The following PAPPA2 variants were observed in gnomAD, a reference collection of about 807,000 sequenced individuals.
PAPPA2 encodes pappalysin-2.
A neutral mutation model predicts 176.4 loss-of-function variants in PAPPA2; 86 were observed. That is an observed-to-expected ratio of 0.49 (90% CI 0.41 to 0.58). The LOEUF is 0.58. Among genes scored for constraint, PAPPA2 ranks in the 20% least tolerant of loss-of-function variants. PAPPA2 has a pLI of 0.00. For synonymous variants in PAPPA2, 809 were observed against 852.2 expected (o/e 0.95, Z 0.88); for missense variants, 2,073 against 2,256.9 (o/e 0.92, Z 1.65).
chr1:176,803,529 C>T (rs1293300735), intron 21 of PAPPA2, among the ~76,000 whole-genome samples: 1 of 152,142 alleles, frequency 6.6e-6, no homozygotes, highest in Non-Finnish European at 1.5e-5. Context: ...TTGGAGACAT[C>T]GATTGTGTCC....
intron 12 of PAPPA2, among the ~76,000 whole-genome samples, chr1:176,735,677 A>AATCT (rs55758426): frequency 0.013 from 1,849 of 144,352 alleles, 21 homozygotes; most frequent in East Asian, 0.028. Context: ...CATCTCTCAG[A>AATCT]ATCTATCTAT....
intron 20 of PAPPA2, among the ~76,000 whole-genome samples, chr1:176,799,752 A>G (rs1285718894): frequency 2.0e-5 from 3 of 152,234 alleles, no homozygotes; most frequent in East Asian, 1.9e-4. Flanking sequence ...GATGAAACTC[A>G]TTATAATATT....
At chr1:176,814,844 G>C (rs1666311932) in intron 21 of PAPPA2, among the ~76,000 whole-genome samples, 1 of 152,202 alleles carries the variant, frequency 6.6e-6, no homozygotes. Flanking sequence ...GTGAGAGAAG[G>C]CATCCTTGTC....
chr1:176,499,438 T>C (rs557390599), intron 1 of PAPPA2, among the ~76,000 whole-genome samples: 1 of 152,304 alleles, frequency 6.6e-6, no homozygotes, highest in Admixed American at 6.5e-5. Context: ...TGCCAGGTGG[T>C]TTATCACACA....
rs1254265729 is a variant in PAPPA2, at chr1:176,607,785, G to A, written c.1991+12190G>A. ...ACTCTTTCTTTAGGTTTGGCTAACCGGCTTTTATAACTCACCAATAAACTG... is the reference window on the plus strand; with the variant it reads ...ACTCTTTCTTTAGGTTTGGCTAACCAGCTTTTATAACTCACCAATAAACTG... On this transcript the variant is annotated intron_variant, in intron 3 of 22. Coordinates refer to ENST00000367662, the MANE Select transcript of PAPPA2 (RefSeq NM_020318.3). Among the ~76,000 whole-genome samples, 4 of 152,128 alleles carry A rather than the reference G, an allele frequency of 2.6e-5. No homozygotes were observed. In the East Asian group the frequency reaches 7.7e-4, roughly 29 times the overall value.
chr1:176,657,517 A>T (rs1658099275), intron 3 of PAPPA2, among the ~76,000 whole-genome samples: 1 of 152,048 alleles, frequency 6.6e-6, no homozygotes, highest in African/African-American at 2.4e-5. Flanking sequence ...AACACGGAAC[A>T]GAGAAGCTTA....
intron 2 of PAPPA2, among the ~76,000 whole-genome samples, chr1:176,573,208 C>T (rs1202724083): frequency 6.6e-6 from 1 of 152,160 alleles, no homozygotes; most frequent in Admixed American, 6.5e-5. Context: ...GACTTCTTGG[C>T]TTTTGCATGA....
intron 18 of PAPPA2, among the ~76,000 whole-genome samples, chr1:176,790,497 A>G (rs1384570000): frequency 6.6e-6 from 1 of 152,162 alleles, no homozygotes; most frequent in Non-Finnish European, 1.5e-5. Context: ...ACACACATAC[A>G]TGAGACAGGA....
chr1:176,788,783 T>A (rs749188971), intron 17 of PAPPA2, among the ~76,000 whole-genome samples: 3 of 152,328 alleles, frequency 2.0e-5, no homozygotes, highest in Middle Eastern at 3.4e-3. Context: ...GTGAAAGTTA[T>A]GAACTCTTTC....
chr1:176,839,519 T>C (rs1285381328), intron 21 of PAPPA2, among the ~76,000 whole-genome samples: 2 of 152,214 alleles, frequency 1.3e-5, no homozygotes, highest in South Asian at 2.1e-4. Flanking sequence ...TGTGGGAATA[T>C]TTGTGTTACA....
In PAPPA2 at chr1:176,509,769, G is replaced by A. The variant is rs973812109; in HGVS notation, c.-916-45638G>A. On this transcript the variant is annotated intron_variant, in intron 1 of 22. Transcript: ENST00000367662. ...TATAATCCCAGCACTTTGGGAGACC[G>A]AGGCTGGCAGATTGCTTGAGCCTGG... Among the ~76,000 whole-genome samples the A allele has an allele frequency of 7.2e-5, 11 of 152,142 alleles. No individual in the cohort carries two copies. In the South Asian group the frequency reaches 2.1e-3, roughly 29 times the overall value.
intron 12 of PAPPA2, among the ~76,000 whole-genome samples, chr1:176,732,975 G>A (rs748487776): frequency 2.3e-4 from 35 of 152,066 alleles, no homozygotes; most frequent in Non-Finnish European, 4.0e-4. Flanking sequence ...TTGTCAGATC[G>A]GTGGCATTAG....
intron 1 of PAPPA2, among the ~76,000 whole-genome samples, chr1:176,530,672 G>T (rs180707681): frequency 1.3e-3 from 201 of 152,100 alleles, no homozygotes; most frequent in African/African-American, 4.7e-3. Context: ...CTGAGACTAA[G>T]AAACAGCAAC....
At chr1:176,571,321 G>C (rs1652316466) in intron 2 of PAPPA2, among the ~76,000 whole-genome samples, 6 of 152,210 alleles carry the variant, frequency 3.9e-5, no homozygotes, top group Admixed American at 3.3e-4. Flanking sequence ...TAGGAATGCA[G>C]AATCTGGAGT....
At chr1:176,499,086 C>A (rs1883580) in intron 1 of PAPPA2, among the ~76,000 whole-genome samples, 12,156 of 152,162 alleles carry the variant, frequency 0.08, 602 homozygotes, top group South Asian at 0.16. Flanking sequence ...CGCAGAGGTG[C>A]TATGACTGCA....
At position 176,595,615 on chromosome 1, in the gene PAPPA2, G is replaced by C; in HGVS notation, c.1991+20G>C. ...CAAGAGGTAAGGGACTGGGATTTGG[G>C]GTGTCCTACTTGTAGGATGCATTTC... On this transcript the variant is annotated intron_variant, in intron 3 of 22. Coordinates refer to ENST00000367662, the MANE Select transcript of PAPPA2 (RefSeq NM_020318.3). 1 of 1,589,364 alleles carries C rather than the reference G, an allele frequency of 6.3e-7. No homozygotes were observed. Among genetic ancestry groups the C allele is most frequent in the Non-Finnish European group, 8.6e-7 (1 of 1,165,626 alleles).
chr1:176,637,274 GA>G (rs1410656644), intron 3 of PAPPA2, among the ~76,000 whole-genome samples: 1 of 152,126 alleles, frequency 6.6e-6, no homozygotes, highest in Non-Finnish European at 1.5e-5. Flanking sequence ...ACTAATTATT[GA>G]GTAATGAAGA....
At chr1:176,471,841 G>A (rs753650154) in intron 1 of PAPPA2, among the ~76,000 whole-genome samples, 64 of 152,138 alleles carry the variant, frequency 4.2e-4, no homozygotes, top group Non-Finnish European at 1.9e-4. Context: ...CTTGTAGGCC[G>A]GATGTTGCTG....
chr1:176,797,235 A>G (rs1056530216), intron 20 of PAPPA2, among the ~76,000 whole-genome samples: 10 of 152,350 alleles, frequency 6.6e-5, no homozygotes, highest in Admixed American at 3.3e-4. Context: ...AATTGAATCT[A>G]TAGTGACATA....
Sources: gnomAD v4.1 joint callset for allele counts (sites outside exome capture counted in the v4.1 genomes callset) on GRCh38, gnomAD v4.1.1 for gene constraint, MANE v1.5 for transcripts, NCBI Gene and HGNC (gene_info 2026-07-23, HGNC 2026-07-21) for gene names.